PDGFB: variants seen among roughly 807,000 people sequenced by gnomAD.
PDGFB encodes platelet-derived growth factor subunit B.
Under a neutral mutation model 29.0 loss-of-function variants are expected in PDGFB, and 6 were observed. The ratio of observed to expected loss-of-function variants is 0.21; its 90% confidence interval spans 0.11 to 0.41. The LOEUF (loss-of-function observed/expected upper bound fraction) is 0.41, where lower values mean the gene tolerates loss of function less well. Ranked by LOEUF, PDGFB falls within the 10% of genes least tolerant of loss-of-function variation. The probability of loss-of-function intolerance (pLI) is 1.00; values close to 1 mark genes in which losing one functional copy is unlikely to be tolerated. For missense variants in PDGFB, 299 were observed against 341.8 expected (o/e 0.87, Z 0.99); for synonymous variants, 144 against 140.8 (o/e 1.02, Z -0.16).
In PDGFB at chr22:39,231,584, AC is replaced by A; in HGVS notation, c.456+37del. On this transcript the variant is annotated intron_variant, in intron 4 of 6. Coordinates refer to ENST00000331163, the MANE Select transcript of PDGFB (RefSeq NM_002608.4). This position sits in a 1 kb window ranked among gnomAD's most constrained non-coding sequence, Gnocchi z 4.3. The stretch of plus-strand genomic sequence containing the variant: ...CCCAGAAGGGTGGTCTCCACCCACC[AC>A]CGGGACCAGCCTCGGGGGGCCGCGG... The A allele has an allele frequency of 6.8e-7, 1 of 1,471,450 alleles. No individual in the cohort carries two copies. Among genetic ancestry groups the A allele is most frequent in the Non-Finnish European group, 9.1e-7 (1 of 1,094,914 alleles). The allele number at this position is 1,471,450 out of a possible 1,614,324, so 91.1% of individuals were successfully genotyped here. A position where few individuals can be genotyped will look rare whatever the true frequency, so the allele number is the denominator to read the frequency against.
chr22:39,240,756 G>T, intron 1 of PDGFB: 2 of 1,377,738 alleles, frequency 1.5e-6, no homozygotes, highest in Non-Finnish European at 2.1e-6. Flanking sequence ...AGAGAAAGCA[G>T]GTAATAAACA....
At chr22:39,228,701 C>T (rs1263630152) in intron 5 of PDGFB, among the ~76,000 whole-genome samples, 1 of 152,038 alleles carries the variant, frequency 6.6e-6, no homozygotes, top group African/African-American at 2.4e-5. Flanking sequence ...CCAGCCTGGC[C>T]AACATGGTGA....
In PDGFB at chr22:39,231,783, T is replaced by C. The variant is rs1326288460; in HGVS notation, c.295A>G (p.Thr99Ala). ...GAGATCTCGAACACCTCGGTGCGCG[T>C]CTTGCACTCGGCGATCATGGCCGGC... The part of the protein sequence containing the change: ...AEPAMIAECK[T>A]RTEVFEISRR... Residue 99 changes from threonine (T) to alanine (A), a missense_variant, in exon 4 of 7, where the codon ACG becomes GCG. Transcript: ENST00000331163. The surrounding 1 kb of genome is among the most constrained non-coding windows in gnomAD (Gnocchi z 4.3). 1.9e-5 allele frequency: 31 copies of C among 1,613,672 alleles called. No individual in the cohort carries two copies. The highest frequency in any genetic ancestry group is 2.6e-5 in the Non-Finnish European group (31 of 1,179,954).
chr22:39,234,282 A>G (rs2247128), intron 2 of PDGFB, among the ~76,000 whole-genome samples: 98,662 of 152,040 alleles, frequency 0.65, 33,038 homozygotes, highest in East Asian at 0.91. Context: ...CCTGGGCACC[A>G]TCTCAGTCCC....
At chr22:39,241,735 G>T (rs1932572365) in intron 1 of PDGFB, among the ~76,000 whole-genome samples, 1 of 152,214 alleles carries the variant, frequency 6.6e-6, no homozygotes, top group South Asian at 2.1e-4. Flanking sequence ...GGTTGCACAC[G>T]CCAGGTCCCT....
intron 5 of PDGFB, among the ~76,000 whole-genome samples, chr22:39,228,728 A>T (rs1932224856): frequency 6.6e-6 from 1 of 151,974 alleles, no homozygotes; most frequent in African/African-American, 2.4e-5. Context: ...GTTTCTACTA[A>T]AAATACAAAA....
intron 1 of PDGFB, chr22:39,240,918 T>TGCGC (rs537103134): frequency 1.8e-5 from 24 of 1,298,178 alleles, no homozygotes; most frequent in African/African-American, 7.4e-5. Context: ...CTCTCTCAGA[T>TGCGC]GCGCACACAC....
intron 1 of PDGFB, chr22:39,240,855 G>A (rs774610229): frequency 6.8e-6 from 11 of 1,613,638 alleles, no homozygotes; most frequent in East Asian, 2.2e-5. Flanking sequence ...AGGTACTTAC[G>A]AGGCCCATGA....
At chr22:39,235,553 C>T (rs543082670) in intron 2 of PDGFB, among the ~76,000 whole-genome samples, 62 of 152,358 alleles carry the variant, frequency 4.1e-4, no homozygotes, top group African/African-American at 1.4e-3. Flanking sequence ...GGCACCAAGC[C>T]GGAGCCACAC....
intron 1 of PDGFB, among the ~76,000 whole-genome samples, chr22:39,237,077 T>A (rs1038533781): frequency 4.6e-5 from 7 of 152,122 alleles, no homozygotes; most frequent in Non-Finnish European, 8.8e-5. Flanking sequence ...CGGTGCAGGC[T>A]ACCTTCACAA....
chr22:39,223,529 A>ATGTG lies in PDGFB; in HGVS notation c.*1809_*1812dup, dbSNP rs368848139. 2.0e-4 allele frequency: 31 copies of ATGTG among 151,700 alleles called. No individual in the cohort carries two copies. The highest frequency in any genetic ancestry group is 7.0e-4 in the African/African-American group (29 of 41,314). The allele number at this position is 151,700 out of a possible 1,614,324, so 9.4% of individuals were successfully genotyped here. On this transcript the variant is annotated 3_prime_UTR_variant, in exon 7 of 7. Transcript: ENST00000331163. ...TATGTGCACGCATGTGTGAGCATGT[A>ATGTG]TGTGTGTGTGTGTGTATGTGCACGC...
chr22:39,237,618 C>T (rs1301699409), intron 1 of PDGFB, among the ~76,000 whole-genome samples: 2 of 152,188 alleles, frequency 1.3e-5, no homozygotes, highest in Admixed American at 6.5e-5. Context: ...ACCACGCCTC[C>T]GGTGCTCTCC....
At chr22:39,236,579 C>T (rs1406283183) in intron 1 of PDGFB, among the ~76,000 whole-genome samples, 1 of 152,210 alleles carries the variant, frequency 6.6e-6, no homozygotes, top group Non-Finnish European at 1.5e-5. Context: ...CAAACATACT[C>T]GAAACCTGAT....
At chr22:39,228,885 T>G (rs1204857835) in intron 5 of PDGFB, among the ~76,000 whole-genome samples, 1 of 75,910 alleles carries the variant, frequency 1.3e-5, no homozygotes, top group Non-Finnish European at 3.3e-5. Flanking sequence ...TGAGACTGCC[T>G]CAAAAAAAAT....
In PDGFB at chr22:39,239,423, C is replaced by T. The variant is rs558458749; in HGVS notation, c.64-3549G>A. Reference sequence around the variant, plus strand: ...CTGGGGGTGGGTGAGGGTGGGGGGACACTCAGCACGTGCTCAGCTCCAGGA... The same window carrying T: ...CTGGGGGTGGGTGAGGGTGGGGGGATACTCAGCACGTGCTCAGCTCCAGGA... On this transcript the variant is annotated intron_variant, in intron 1 of 6. Transcript: ENST00000331163. 4.6e-5 allele frequency among the ~76,000 whole-genome samples: 7 copies of T among 152,128 alleles called. No homozygotes were observed. The South Asian group carries it at 1.5e-3, about 32-fold the overall frequency.
chr22:39,232,171 T>A (rs1221681252), intron 3 of PDGFB, among the ~76,000 whole-genome samples: 2 of 152,268 alleles, frequency 1.3e-5, no homozygotes, highest in Non-Finnish European at 2.9e-5. Flanking sequence ...TTTATGATTT[T>A]ACACATTTAT....
chr22:39,230,777 GGGCT>G (rs1232645386), intron 4 of PDGFB, among the ~76,000 whole-genome samples: 1 of 152,248 alleles, frequency 6.6e-6, no homozygotes, highest in East Asian at 1.9e-4. Context: ...GAGAGGCCAC[GGGCT>G]GGTGGCAGGA....
At chr22:39,235,907 T>C in intron 1 of PDGFB, 33 bp from the exon 2 acceptor site, 1 of 1,460,848 alleles carries the variant, frequency 6.8e-7, no homozygotes, top group Non-Finnish European at 9.6e-7. Flanking sequence ...CTGAGTGAGC[T>C]GGGAGTGGGG....
intron 1 of PDGFB, among the ~76,000 whole-genome samples, chr22:39,238,132 C>T (rs751751845): frequency 1.2e-4 from 18 of 152,190 alleles, no homozygotes; most frequent in Non-Finnish European, 2.2e-4. Flanking sequence ...GATCCAGGCC[C>T]ACGACACATA....
Sources: allele counts gnomAD v4.1 joint callset (sites outside exome capture counted in the v4.1 genomes callset), GRCh38; gene constraint gnomAD v4.1.1; non-coding constraint Gnocchi (gnomAD v3.1); transcripts MANE v1.5; gene names NCBI Gene and HGNC (gene_info 2026-07-23, HGNC 2026-07-21).